LOC400499: variants seen among roughly 807,000 people sequenced by gnomAD.
the LOC400499 span, among the ~76,000 whole-genome samples, chr16:11,395,088 GT>G: frequency 6.6e-6 from 1 of 152,234 alleles, no homozygotes; most frequent in Non-Finnish European, 1.5e-5. Context: ...TGCCAGGCAG[GT>G]GGGGGCAGGG....
At chr16:11,521,904 G>A in the LOC400499 span, 2 of 399,016 alleles carry the variant, frequency 5.0e-6, no homozygotes, top group Non-Finnish European at 8.8e-6. Flanking sequence ...CTTCCTCTTA[G>A]TCCTCCCCAG....
chr16:11,403,814 G>C, the LOC400499 span, among the ~76,000 whole-genome samples: 1 of 150,056 alleles, frequency 6.7e-6, no homozygotes, highest in African/African-American at 2.4e-5. Flanking sequence ...CGCTGTGTCG[G>C]CACTCAGCTC....
At chr16:11,433,119 G>A in the LOC400499 span, among the ~76,000 whole-genome samples, 8 of 152,256 alleles carry the variant, frequency 5.3e-5, no homozygotes, top group South Asian at 8.3e-4. Context: ...CTCTTGTACC[G>A]CAATGGCAGG....
chr16:11,374,610 C>T, the LOC400499 span, among the ~76,000 whole-genome samples: 3 of 152,168 alleles, frequency 2.0e-5, no homozygotes, highest in Admixed American at 6.5e-5. Flanking sequence ...GCTTATTTCA[C>T]TTTGTATAAT....
At chr16:11,392,396 C>T in the LOC400499 span, 14 of 398,974 alleles carry the variant, frequency 3.5e-5, no homozygotes, top group South Asian at 1.3e-4. Flanking sequence ...CAGGGTCAGG[C>T]GTCCCAGCGG....
chr16:11,434,780 G>T, the LOC400499 span, among the ~76,000 whole-genome samples: 14 of 152,306 alleles, frequency 9.2e-5, no homozygotes, highest in Middle Eastern at 6.8e-3. Flanking sequence ...AGGCACAGAA[G>T]GGCGAGTGGT....
chr16:11,410,441 G>C, the LOC400499 span, among the ~76,000 whole-genome samples: 1 of 152,070 alleles, frequency 6.6e-6, no homozygotes, highest in South Asian at 2.1e-4. Flanking sequence ...GTGACAAAGA[G>C]AGACTGTGTC....
the LOC400499 span, chr16:11,425,477 G>T: frequency 2.5e-6 from 1 of 399,078 alleles, no homozygotes; most frequent in East Asian, 3.6e-5. Context: ...GCGGCTCAGG[G>T]AAATGAGCTG....
At chr16:11,463,978 T>C in the LOC400499 span, among the ~76,000 whole-genome samples, 3 of 152,166 alleles carry the variant, frequency 2.0e-5, no homozygotes, top group Non-Finnish European at 4.4e-5. Context: ...TATGTATATA[T>C]GTGGATGTGT....
At chr16:11,510,141 G>A in the LOC400499 span, among the ~76,000 whole-genome samples, 1 of 151,588 alleles carries the variant, frequency 6.6e-6, no homozygotes, top group Non-Finnish European at 1.5e-5. Context: ...AGCCCCGCTT[G>A]GACCCCCACA....
chr16:11,521,739 A>G, the LOC400499 span, among the ~76,000 whole-genome samples: 1 of 152,124 alleles, frequency 6.6e-6, no homozygotes, highest in South Asian at 2.1e-4. Context: ...AACCTCTGCT[A>G]TTCCCCGATT....
the LOC400499 span, among the ~76,000 whole-genome samples, chr16:11,417,120 CT>C: frequency 1.3e-5 from 2 of 151,256 alleles, no homozygotes; most frequent in Non-Finnish European, 2.9e-5. Flanking sequence ...CCCACCCCCC[CT>C]CACCCTCTGT....
the LOC400499 span, among the ~76,000 whole-genome samples, chr16:11,428,704 A>T: frequency 6.6e-6 from 1 of 152,142 alleles, no homozygotes; most frequent in Non-Finnish European, 1.5e-5. Context: ...TGTGACTAAG[A>T]GTGCCTTAAC....
At chr16:11,506,260 G>A in the LOC400499 span, among the ~76,000 whole-genome samples, 1 of 152,000 alleles carries the variant, frequency 6.6e-6, no homozygotes, top group East Asian at 2.0e-4. Flanking sequence ...CCTGACCTCA[G>A]GTGATCTGCC....
the LOC400499 span, among the ~76,000 whole-genome samples, chr16:11,409,280 A>G: frequency 6.6e-6 from 1 of 152,018 alleles, no homozygotes; most frequent in Non-Finnish European, 1.5e-5. Context: ...AAAAATAAAT[A>G]AAAAAATAAA....
the LOC400499 span, among the ~76,000 whole-genome samples, chr16:11,395,812 G>A: frequency 4.6e-5 from 7 of 152,128 alleles, no homozygotes; most frequent in Non-Finnish European, 8.8e-5. Flanking sequence ...CACCTGCTAC[G>A]TCACGTGCCT....
the LOC400499 span, chr16:11,456,835 G>A: frequency 6.5e-6 from 10 of 1,536,100 alleles, no homozygotes; most frequent in South Asian, 7.1e-5. Context: ...TGCTAGCCAA[G>A]GAGGCCCCAC....
At chr16:11,518,862 T>C in the LOC400499 span, 3 of 398,952 alleles carry the variant, frequency 7.5e-6, no homozygotes. Context: ...TCCAGCCCCA[T>C]CGTGAGCAGG....
At chr16:11,469,111 G>T in the LOC400499 span, 2 of 399,104 alleles carry the variant, frequency 5.0e-6, no homozygotes, top group African/African-American at 2.1e-5. Context: ...TCTGGTACGG[G>T]GGAAGGAAAT....
Sources: gnomAD v4.1 joint callset for allele counts (sites outside exome capture counted in the v4.1 genomes callset) on GRCh38, gnomAD v4.1.1 for gene constraint, MANE v1.5 for transcripts.